Variants in AGPAT4 observed in about 807,000 individuals in gnomAD.
AGPAT4 encodes 1-acyl-sn-glycerol-3-phosphate acyltransferase delta.
In AGPAT4, 15 loss-of-function variants were observed where a neutral mutation model predicts 48.0. That is an observed-to-expected ratio of 0.31 (90% confidence interval 0.21 to 0.48). The LOEUF is 0.48. Ranked by LOEUF, AGPAT4 falls within the 20% of genes least tolerant of loss-of-function variation. The pLI is 0.99. For synonymous variants in AGPAT4, 178 were observed against 198.7 expected (o/e 0.90, Z 0.88); for missense variants, 314 against 482.5 (o/e 0.65, Z 3.27).
chr6:161,185,698 A>C (rs1209094523), intron 2 of AGPAT4, among the ~76,000 whole-genome samples: 2 of 152,182 alleles, frequency 1.3e-5, no homozygotes, highest in African/African-American at 4.8e-5. Context: ...TCCACAGAAA[A>C]TAAGTCCAGG....
rs1265919212 is a variant in AGPAT4, at chr6:161,262,554, A to G, written c.-90+11384T>C. On this transcript the variant is annotated intron_variant, in intron 1 of 8. Transcript: ENST00000320285. This position sits in a 1 kb window ranked among gnomAD's most constrained non-coding sequence, Gnocchi z 4.9. Reference sequence around the variant, plus strand: ...TGTCCCTGGGCAAAGTCCCCAGCCTAGAGTTCCTCCTTCCACATCTTATTG... The same window carrying G: ...TGTCCCTGGGCAAAGTCCCCAGCCTGGAGTTCCTCCTTCCACATCTTATTG... Among the ~76,000 whole-genome samples, 1 of 152,062 alleles carries G rather than the reference A, an allele frequency of 6.6e-6. No homozygotes were observed. Among genetic ancestry groups the G allele is most frequent in the African/African-American group, 2.4e-5 (1 of 41,398 alleles).
intron 2 of AGPAT4, among the ~76,000 whole-genome samples, chr6:161,187,096 G>T (rs1780790963): frequency 6.6e-6 from 1 of 152,154 alleles, no homozygotes; most frequent in Admixed American, 6.6e-5. Flanking sequence ...TGTAAAAATG[G>T]AATAATATGA....
At position 161,146,798 on chromosome 6, in the gene AGPAT4, C is replaced by G. The variant is rs1779445648; in HGVS notation, c.768-199G>C. Among the ~76,000 whole-genome samples, 1 of 152,106 alleles carries G rather than the reference C, an allele frequency of 6.6e-6. No individual in the cohort carries two copies. Among genetic ancestry groups the G allele is most frequent in the African/African-American group, 2.4e-5 (1 of 41,422 alleles). On this transcript the variant is annotated intron_variant, in intron 6 of 8. Coordinates refer to ENST00000320285, the MANE Select transcript of AGPAT4 (RefSeq NM_020133.3). This position sits in a 1 kb window ranked among gnomAD's most constrained non-coding sequence, Gnocchi z 7.1. ...AACAGGCAAAAATGCAATTATGACC[C>G]ACGAAGGAACAACCCAGGGGCCAAT...
chr6:161,153,634 TACAGCCCTGAGGTCACAC>T lies in AGPAT4; in HGVS notation c.511-153_511-136del, dbSNP rs1562314922. 7.7e-6 allele frequency: 8 copies of T among 1,042,674 alleles called. No homozygotes were observed. The East Asian group carries it at 2.3e-4, about 30-fold the overall frequency. The allele number at this position is 1,042,674 out of a possible 1,614,324, so 64.6% of individuals were successfully genotyped here. ...GATCACACAGGGCCCCATGGTTACA[TACAGCCCTGAGGTCACAC>T]ACAGCCCTGGGGTCACATACAGCCC... On this transcript the variant is annotated intron_variant, in intron 4 of 8. Coordinates refer to ENST00000320285, the MANE Select transcript of AGPAT4 (RefSeq NM_020133.3).
Position 161,221,470 on chromosome 6 carries a change from A to G in AGPAT4, c.178+10566T>C, listed in dbSNP as rs1781833278. 6.6e-6 allele frequency among the ~76,000 whole-genome samples: 1 copy of G among 152,202 alleles called. No individual in the cohort carries two copies. Among genetic ancestry groups the G allele is most frequent in the Admixed American group, 6.5e-5 (1 of 15,286 alleles). On this transcript the variant is annotated intron_variant, in intron 2 of 8. Coordinates refer to ENST00000320285, the MANE Select transcript of AGPAT4 (RefSeq NM_020133.3). This position sits in a 1 kb window ranked among gnomAD's most constrained non-coding sequence, Gnocchi z 4.5. ...AAATAAAGGTAGGGGTGGGAGAGATAGAAAGGAGAAAAAGGGAGAGGAGAG... is the reference window on the plus strand; with the variant it reads ...AAATAAAGGTAGGGGTGGGAGAGATGGAAAGGAGAAAAAGGGAGAGGAGAG...
rs912138480 is a variant in AGPAT4 at position 161,232,773 on chromosome 6, C to A, written c.-89-471G>T. On this transcript the variant is annotated intron_variant, in intron 1 of 8. Transcript: ENST00000320285. This position sits in a 1 kb window ranked among gnomAD's most constrained non-coding sequence, Gnocchi z 6.8. The stretch of plus-strand genomic sequence containing the variant: ...CTCCTCTCATTCTCCTCCTCCAGAT[C>A]CCTGCTCACCCCTCGCTTCCAGCAG... Among the ~76,000 whole-genome samples, 1 of 152,156 alleles carries A rather than the reference C, an allele frequency of 6.6e-6. No individual in the cohort carries two copies. Among genetic ancestry groups the A allele is most frequent in the Non-Finnish European group, 1.5e-5 (1 of 68,040 alleles).
Position 161,266,953 on chromosome 6 carries a change from C to A in AGPAT4, c.-90+6985G>T, listed in dbSNP as rs1170031724. Among the ~76,000 whole-genome samples the A allele has an allele frequency of 6.6e-6, 1 of 152,188 alleles. No homozygotes were observed. Among genetic ancestry groups the A allele is most frequent in the Non-Finnish European group, 1.5e-5 (1 of 68,042 alleles). ...CATTTCAGAGTTGATCTAAGATAAG[C>A]ACTGGCAGGGTCTTTGCAGATAATA... is the stretch of plus-strand genomic sequence containing the variant. On this transcript the variant is annotated intron_variant, in intron 1 of 8. Coordinates refer to ENST00000320285, the MANE Select transcript of AGPAT4 (RefSeq NM_020133.3). The surrounding 1 kb of genome is among the most constrained non-coding windows in gnomAD (Gnocchi z 6.2).
In AGPAT4 at chr6:161,240,564, GC is replaced by G. The variant is rs1782455801; in HGVS notation, c.-89-8263del. The stretch of plus-strand genomic sequence containing the variant: ...AAAACTTCAGGGACTGGCAAAGAGA[GC>G]AGCACAGCTAAAGTGGGGACAGCTG... On this transcript the variant is annotated intron_variant, in intron 1 of 8. Coordinates refer to ENST00000320285, the MANE Select transcript of AGPAT4 (RefSeq NM_020133.3). The surrounding 1 kb of genome is among the most constrained non-coding windows in gnomAD (Gnocchi z 5.5). Among the ~76,000 whole-genome samples, 1 of 152,210 alleles carries G rather than the reference GC, an allele frequency of 6.6e-6. No individual in the cohort carries two copies.
intron 1 of AGPAT4, among the ~76,000 whole-genome samples, chr6:161,241,729 GTT>G (rs1165072634): frequency 6.6e-6 from 1 of 152,086 alleles, no homozygotes; most frequent in East Asian, 1.9e-4. Context: ...AGATGAAAAT[GTT>G]TTTGTTTTTG....
At position 161,235,321 on chromosome 6, in the gene AGPAT4, C is replaced by A. The variant is rs1402449749; in HGVS notation, c.-89-3019G>T. Reference sequence around the variant, plus strand: ...GATTCTCAAATTTATATGCAAACGCCAAAATAAGAATAGTCAAGGCATCCT... The same window carrying A: ...GATTCTCAAATTTATATGCAAACGCAAAAATAAGAATAGTCAAGGCATCCT... On this transcript the variant is annotated intron_variant, in intron 1 of 8. Coordinates refer to ENST00000320285, the MANE Select transcript of AGPAT4 (RefSeq NM_020133.3). The surrounding 1 kb of genome is among the most constrained non-coding windows in gnomAD (Gnocchi z 6.2). 1.3e-5 allele frequency among the ~76,000 whole-genome samples: 2 copies of A among 151,942 alleles called. No homozygotes were observed. The highest frequency in any genetic ancestry group is 2.9e-5 in the Non-Finnish European group (2 of 68,010).
chr6:161,187,578 C>G (rs897082104), intron 2 of AGPAT4, among the ~76,000 whole-genome samples: 3 of 151,888 alleles, frequency 2.0e-5, no homozygotes, highest in Non-Finnish European at 4.4e-5. Flanking sequence ...CTCACTGTCT[C>G]GCTCAGGCTG....
At chr6:161,183,203 A>C (rs1192223703) in intron 2 of AGPAT4, among the ~76,000 whole-genome samples, 1 of 151,994 alleles carries the variant, frequency 6.6e-6, no homozygotes, top group African/African-American at 2.4e-5. Context: ...TTTCTTATCC[A>C]CCACGTGCTG....
At position 161,246,464 on chromosome 6, in the gene AGPAT4, C is replaced by T. The variant is rs1309162718; in HGVS notation, c.-89-14162G>A. On this transcript the variant is annotated intron_variant, in intron 1 of 8. Transcript: ENST00000320285. The surrounding 1 kb of genome is among the most constrained non-coding windows in gnomAD (Gnocchi z 5.5). ...CACTCTTGTTGCCCAGGCTGGAGTG[C>T]AATGGAGTGATCTCAGCTCACTGCA... is the stretch of plus-strand genomic sequence containing the variant. Among the ~76,000 whole-genome samples the T allele has an allele frequency of 6.6e-6, 1 of 151,060 alleles. No individual in the cohort carries two copies. Among genetic ancestry groups the T allele is most frequent in the Non-Finnish European group, 1.5e-5 (1 of 67,906 alleles).
rs2114984072 is a variant in AGPAT4 at position 161,171,100 on chromosome 6, A to G, written c.179-4683T>C. Among the ~76,000 whole-genome samples, 1 of 152,364 alleles carries G rather than the reference A, an allele frequency of 6.6e-6. No homozygotes were observed. The highest frequency in any genetic ancestry group is 2.1e-4 in the South Asian group (1 of 4,830). ...AAGCTATCAGCAGGTGCTGCACAACAGAGATGCTTGTGAGAAAGCAGGGCT... is the reference window on the plus strand; with the variant it reads ...AAGCTATCAGCAGGTGCTGCACAACGGAGATGCTTGTGAGAAAGCAGGGCT... On this transcript the variant is annotated intron_variant, in intron 2 of 8. Coordinates refer to ENST00000320285, the MANE Select transcript of AGPAT4 (RefSeq NM_020133.3). The surrounding 1 kb of genome is among the most constrained non-coding windows in gnomAD (Gnocchi z 4.4).
Position 161,212,254 on chromosome 6 carries a change from T to C in AGPAT4, c.178+19782A>G, listed in dbSNP as rs1193170879. 6.6e-6 allele frequency among the ~76,000 whole-genome samples: 1 copy of C among 152,218 alleles called. No individual in the cohort carries two copies. Among genetic ancestry groups the C allele is most frequent in the Non-Finnish European group, 1.5e-5 (1 of 68,030 alleles). On this transcript the variant is annotated intron_variant, in intron 2 of 8. Transcript: ENST00000320285. The surrounding 1 kb of genome is among the most constrained non-coding windows in gnomAD (Gnocchi z 6.1). ...TTTGTGCTATTTTTATTAGGGCTTA[T>C]TGTTTGGAACATTAAGTCTCCTCTC...
chr6:161,176,726 T>G (rs1236798642), intron 2 of AGPAT4, among the ~76,000 whole-genome samples: 1 of 152,226 alleles, frequency 6.6e-6, no homozygotes, highest in South Asian at 2.1e-4. Flanking sequence ...ATGCAGTTTC[T>G]TCCTAGGATC....
At chr6:161,170,467 G>GCA (rs1491174141) in intron 2 of AGPAT4, among the ~76,000 whole-genome samples, 7 of 22,256 alleles carry the variant, frequency 3.1e-4, no homozygotes, top group African/African-American at 7.9e-4. Flanking sequence ...GCACACGTGC[G>GCA]CGCGCGCACA....
At chr6:161,163,250 C>T (rs1779988736) in intron 3 of AGPAT4, among the ~76,000 whole-genome samples, 1 of 152,230 alleles carries the variant, frequency 6.6e-6, no homozygotes, top group Non-Finnish European at 1.5e-5. Flanking sequence ...AACTCATTTC[C>T]TCTTGGACTG....
At chr6:161,157,192 G>GT (rs1197524160) in intron 3 of AGPAT4, among the ~76,000 whole-genome samples, 1 of 152,224 alleles carries the variant, frequency 6.6e-6, no homozygotes, top group Non-Finnish European at 1.5e-5. Context: ...AGATTTTCCA[G>GT]TTTTTTATTG....
Sources: gnomAD v4.1 joint callset for allele counts (sites outside exome capture counted in the v4.1 genomes callset) on GRCh38, gnomAD v4.1.1 for gene constraint, Gnocchi (gnomAD v3.1) non-coding constraint, MANE v1.5 for transcripts, NCBI Gene and HGNC (gene_info 2026-07-23, HGNC 2026-07-21) for gene names.